Variants in TJP1 observed in about 807,000 individuals in gnomAD.
The protein encoded by TJP1 is tight junction protein 1.
In TJP1, 43 loss-of-function variants were observed where a neutral mutation model predicts 194.2. The ratio of observed to expected loss-of-function variants is 0.22; its 90% CI spans 0.17 to 0.29. The LOEUF (loss-of-function observed/expected upper bound fraction) is 0.29. Ranked by LOEUF, TJP1 falls within the 10% of genes least tolerant of loss-of-function variation. The pLI is 1.00. For missense variants in TJP1, 1,971 were observed against 2,185.7 expected, an observed-to-expected ratio of 0.90 and a Z score of 1.96; for synonymous variants, 801 against 779.0, an observed-to-expected ratio of 1.03 and a Z score of -0.47.
chr15:29,789,093 A>G (rs2047903574), intron 2 of TJP1, among the ~76,000 whole-genome samples: 1 of 152,210 alleles, frequency 6.6e-6, no homozygotes, highest in South Asian at 2.1e-4. Flanking sequence ...AATAAGACCT[A>G]TTATAAAGTT....
At chr15:29,926,095 TCAGACAA>T (rs2054515357) in intron 2 of TJP1, among the ~76,000 whole-genome samples, 1 of 152,110 alleles carries the variant, frequency 6.6e-6, no homozygotes, top group South Asian at 2.1e-4. Flanking sequence ...AGCTCTATGC[TCAGACAA>T]CAGACTTAAT....
At chr15:29,813,276 T>C (rs941282176) in intron 1 of TJP1, among the ~76,000 whole-genome samples, 6 of 152,164 alleles carry the variant, frequency 3.9e-5, no homozygotes, top group Admixed American at 6.6e-5. Context: ...AAGATAATCA[T>C]AGGAACACCA....
At chr15:29,905,987 G>A (rs1374762390) in intron 2 of TJP1, among the ~76,000 whole-genome samples, 1 of 152,158 alleles carries the variant, frequency 6.6e-6, no homozygotes, top group East Asian at 1.9e-4. Context: ...AATGCCAAGA[G>A]TGAACCCAAA....
intron 1 of TJP1, among the ~76,000 whole-genome samples, chr15:29,809,683 A>G (rs2049352995): frequency 6.6e-6 from 1 of 152,100 alleles, no homozygotes; most frequent in African/African-American, 2.4e-5. Context: ...CGTCTCTACT[A>G]AAAATACAAA....
intron 2 of TJP1, among the ~76,000 whole-genome samples, chr15:29,906,848 G>A (rs886819487): frequency 7.2e-5 from 11 of 151,904 alleles, no homozygotes; most frequent in African/African-American, 2.7e-4. Flanking sequence ...CCAAAGTGCT[G>A]GGATTACAGG....
rs78803424 is a variant in TJP1, at chr15:29,800,143, A to G, written c.84+503T>C. On this transcript the variant is annotated intron_variant, in intron 2 of 27. Transcript: ENST00000614355. The stretch of plus-strand genomic sequence containing the variant: ...TTGATAGCAGTCTCACTTCGGACAA[A>G]GTTCTTAGTCCCACCAAGTAAGAAC... Among the ~76,000 whole-genome samples, 254 of 152,344 alleles carry G rather than the reference A, an allele frequency of 1.7e-3. 4 individuals are homozygous for G. In the East Asian group the frequency reaches 0.041, roughly 25 times the overall value.
chr15:29,777,227 T>C (rs1405480217), intron 2 of TJP1, among the ~76,000 whole-genome samples: 2 of 152,230 alleles, frequency 1.3e-5, no homozygotes, highest in Admixed American at 6.5e-5. Flanking sequence ...TCTTTTAATC[T>C]ACGAGTGTGT....
rs1460129845 is a variant in TJP1 at position 29,833,879 on chromosome 15, A to ATTTT, written c.307-33178_307-33177insAAAA. Among the ~76,000 whole-genome samples, 4 of 13,788 alleles carry ATTTT rather than the reference A, an allele frequency of 2.9e-4. 1 individual carries two copies. Among genetic ancestry groups the ATTTT allele is most frequent in the Admixed American group, 8.9e-4 (1 of 1,126 alleles). 9.0% of individuals were successfully genotyped at this position (13,788 alleles called of 152,430 possible). A position where few individuals can be genotyped will look rare whatever the true frequency, so the allele number is the denominator to read the frequency against. On this transcript the variant is annotated intron_variant, in intron 2 of 28. Transcript: ENST00000356107. ...TAAGTATATATATATATATATATAT[A>ATTTT]TATTTTTTTTTTTTTTTTTTTTGAG... is the stretch of plus-strand genomic sequence containing the variant.
chr15:29,818,617 G>A (rs2050099479), intron 1 of TJP1, among the ~76,000 whole-genome samples: 2 of 150,460 alleles, frequency 1.3e-5, no homozygotes, highest in African/African-American at 4.9e-5. Flanking sequence ...CGTTTCTCCT[G>A]CCTCAGCCTT....
At chr15:29,839,509 G>A (rs2051150721) in intron 2 of TJP1, among the ~76,000 whole-genome samples, 1 of 152,158 alleles carries the variant, frequency 6.6e-6, no homozygotes, top group Non-Finnish European at 1.5e-5. Context: ...GCAGGGTGTG[G>A]TGGTGTGCAC....
intron 2 of TJP1, among the ~76,000 whole-genome samples, chr15:29,876,743 A>G (rs997557929): frequency 1.3e-5 from 2 of 152,182 alleles, no homozygotes; most frequent in Non-Finnish European, 1.5e-5. Context: ...AGAATATTCA[A>G]ATGAGTAAAA....
chr15:29,812,108 C>T (rs1362243039), intron 1 of TJP1, among the ~76,000 whole-genome samples: 1 of 152,150 alleles, frequency 6.6e-6, no homozygotes, highest in Admixed American at 6.5e-5. Flanking sequence ...GATGAGAAAA[C>T]AGCCATTTAG....
chr15:29,968,179 C>T, intron 1 of TJP1: 1 of 985,430 alleles, frequency 1.0e-6, no homozygotes. Context: ...TAATAATTTC[C>T]CAACTTATTC....
rs1020787270 is a variant in TJP1 at position 29,808,650 on chromosome 15, T to C, written c.28-7948A>G. On this transcript the variant is annotated intron_variant, in intron 1 of 27. Transcript: ENST00000614355. ...CATTATTTTGAGAAACTGGTACGTA[T>C]AGGGAAAGAATAAGATATTTACTCT... 3.3e-5 allele frequency among the ~76,000 whole-genome samples: 5 copies of C among 152,162 alleles called. No individual in the cohort carries two copies. The East Asian group carries it at 7.7e-4, about 23-fold the overall frequency.
chr15:29,779,928 C>A (rs540403694), intron 2 of TJP1, among the ~76,000 whole-genome samples: 31 of 151,000 alleles, frequency 2.1e-4, no homozygotes, highest in African/African-American at 7.3e-4. Flanking sequence ...AGCATGTGAA[C>A]GAAGCCATAT....
At position 29,769,550 on chromosome 15, in the gene TJP1, T is replaced by A. The variant is rs749548; in HGVS notation, c.312+2514A>T. ...ACTGAAATGCCTGTGAATGAGTGGG[T>A]TGGATAAATATATATGCATAGTGAA... On this transcript the variant is annotated intron_variant, in intron 4 of 27. Transcript: ENST00000614355. Among the ~76,000 whole-genome samples the A allele has an allele frequency of 2.1e-3, 321 of 152,258 alleles. 1 individual carries two copies. The highest frequency in any genetic ancestry group is 7.3e-3 in the African/African-American group (304 of 41,542).
chr15:29,741,382 C>G lies in TJP1; in HGVS notation c.1205G>C (p.Ser402Thr). The G allele has an allele frequency of 6.2e-7, 1 of 1,600,240 alleles. No individual in the cohort carries two copies. Among genetic ancestry groups the G allele is most frequent in the Non-Finnish European group, 8.5e-7 (1 of 1,176,278 alleles). ...ATTAGGTAGGACACCATCAGATGGA[C>G]TGACAGGTAAATCCACATCTGGTTG... ...VGQPDVDLPVSPSDGVLPNST... is the reference protein window; with the variant it reads ...VGQPDVDLPVTPSDGVLPNST... Residue 402 changes from serine (S) to threonine (T), a missense_variant, in exon 10 of 28, where the codon AGT becomes ACT. Around this residue, in one of 5 missense-constraint regions of TJP1, gnomAD observed 192 missense variants for 182.3 expected, o/e 1.05. Transcript: ENST00000614355.
downstream of TJP1, chr15:29,699,673 T>C (rs1380720396): frequency 6.6e-6 from 1 of 152,252 alleles, no homozygotes; most frequent in South Asian, 2.1e-4. Flanking sequence ...ATAGCAATAA[T>C]CCAAATGTCA....
intron 1 of TJP1, among the ~76,000 whole-genome samples, chr15:29,957,083 T>G (rs1201041570): frequency 6.6e-6 from 1 of 152,122 alleles, no homozygotes; most frequent in Non-Finnish European, 1.5e-5. Context: ...ACAGATACTG[T>G]TCAGCATGGT....
Sources: allele counts gnomAD v4.1 joint callset (sites outside exome capture counted in the v4.1 genomes callset), GRCh38; gene constraint gnomAD v4.1.1; regional missense constraint gnomAD v4.1.1; transcripts MANE v1.5; gene names NCBI Gene and HGNC (gene_info 2026-07-23, HGNC 2026-07-21).